The following ACTR2 variants were observed in gnomAD, a reference collection of about 807,000 sequenced individuals.
ACTR2 encodes the protein actin related protein 2.
Under a neutral mutation model 50.2 loss-of-function variants are expected in ACTR2, and 5 were observed. That is an observed-to-expected ratio of 0.10 (90% confidence interval 0.05 to 0.21). The LOEUF is 0.21. Among genes scored for constraint, ACTR2 ranks in the 10% least tolerant of loss-of-function variants. The probability of loss-of-function intolerance (pLI) is 1.00; values close to 1 mark genes in which losing one functional copy is unlikely to be tolerated. For synonymous variants in ACTR2, 140 were observed against 162.9 expected (o/e 0.86, Z 1.07); for missense variants, 180 against 480.6 (o/e 0.37, Z 5.85).
intron 1 of ACTR2, among the ~76,000 whole-genome samples, chr2:65,236,486 G>C (rs1006943561): frequency 6.6e-6 from 1 of 152,022 alleles, no homozygotes; most frequent in South Asian, 2.1e-4. Flanking sequence ...AGCTACATAA[G>C]ATCTTGCTAA....
chr2:65,265,313 G>A, intron 8 of ACTR2, 138 bp downstream of exon 8: 2 of 949,904 alleles, frequency 2.1e-6, no homozygotes, highest in Admixed American at 1.9e-5. Flanking sequence ...TCCTGGAAAT[G>A]ATAGCAAGAA....
chr2:65,266,022 C>T (rs1672366782), intron 8 of ACTR2, among the ~76,000 whole-genome samples: 1 of 152,210 alleles, frequency 6.6e-6, no homozygotes, highest in Non-Finnish European at 1.5e-5. Context: ...AAGTACTTCA[C>T]TTATTTTTCT....
At chr2:65,250,802 C>T (rs900812411) in intron 3 of ACTR2, among the ~76,000 whole-genome samples, 4 of 151,904 alleles carry the variant, frequency 2.6e-5, no homozygotes, top group East Asian at 1.9e-4. Flanking sequence ...TGCTTTGTCA[C>T]GCTTATGAAA....
At chr2:65,254,104 C>CAGAG (rs1264589516) in intron 5 of ACTR2, among the ~76,000 whole-genome samples, 2 of 152,106 alleles carry the variant, frequency 1.3e-5, no homozygotes, top group African/African-American at 4.8e-5. Context: ...AATGAGAGTA[C>CAGAG]ATTATATCAT....
intron 2 of ACTR2, among the ~76,000 whole-genome samples, chr2:65,243,316 A>T (rs996806812): frequency 6.6e-6 from 1 of 151,258 alleles, no homozygotes; most frequent in African/African-American, 2.4e-5. Flanking sequence ...GCTTGTAGAG[A>T]ACAGTGTAGG....
chr2:65,236,032 T>TAAC (rs1268520056), intron 1 of ACTR2, among the ~76,000 whole-genome samples: 3 of 152,146 alleles, frequency 2.0e-5, no homozygotes, highest in Non-Finnish European at 4.4e-5. Flanking sequence ...GTCATGACTG[T>TAAC]AACATATTTG....
At chr2:65,265,318 C>G (rs1183301774) in intron 8 of ACTR2, 143 bp downstream of exon 8, 1 of 932,932 alleles carries the variant, frequency 1.1e-6, no homozygotes, top group African/African-American at 1.6e-5. Context: ...GAAATGATAG[C>G]AAGAAGGAAA....
At chr2:65,268,430 C>G (rs1371376625) in intron 8 of ACTR2, 134 bp from the exon 9 acceptor site, 5 of 669,636 alleles carry the variant, frequency 7.5e-6, no homozygotes, top group Non-Finnish European at 1.1e-5. Flanking sequence ...ACCTCAGGTA[C>G]CAAATATTAC....
chr2:65,254,591 C>T (rs1190793568), intron 5 of ACTR2, among the ~76,000 whole-genome samples: 3 of 152,164 alleles, frequency 2.0e-5, no homozygotes, highest in Non-Finnish European at 4.4e-5. Context: ...CACCAGGGGA[C>T]AGTGCTGTCC....
At chr2:65,237,023 TAA>T (rs1671752626) in intron 1 of ACTR2, among the ~76,000 whole-genome samples, 1 of 152,214 alleles carries the variant, frequency 6.6e-6, no homozygotes, top group South Asian at 2.1e-4. Context: ...ATCATACTGT[TAA>T]GTCAACAGCA....
chr2:65,260,729 C>CTTTTTTTTTTTT, intron 6 of ACTR2, among the ~76,000 whole-genome samples: 1 of 132,150 alleles, frequency 7.6e-6, no homozygotes, highest in South Asian at 2.4e-4. Context: ...CGTGGCATAC[C>CTTTTTTTTTTTT]TTTTTTTTTT....
intron 1 of ACTR2, among the ~76,000 whole-genome samples, chr2:65,232,155 C>T (rs1332842670): frequency 6.6e-6 from 1 of 152,200 alleles, no homozygotes; most frequent in African/African-American, 2.4e-5. Context: ...ATCTGGAGGT[C>T]TGTGAAACTC....
Position 65,236,065 on chromosome 2 carries a change from C to A in ACTR2, c.49-3787C>A, listed in dbSNP as rs72892654. ...TTGAAAAAACTCTGTTTTTAAAAGA[C>A]TAAGTGGGGCCGGGTGCGGTGGCTT... On this transcript the variant is annotated intron_variant, in intron 1 of 8. Transcript: ENST00000260641. 7.6e-3 allele frequency among the ~76,000 whole-genome samples: 1,157 copies of A among 152,228 alleles called. 28 individuals carry two copies. The highest frequency in any genetic ancestry group is 0.026 in the African/African-American group (1,067 of 41,550).
chr2:65,252,488 A>C (rs967549923), intron 4 of ACTR2, among the ~76,000 whole-genome samples: 15 of 151,776 alleles, frequency 9.9e-5, no homozygotes, highest in Non-Finnish European at 1.5e-4. Context: ...AAAAAAAAAT[A>C]CAAAAAATTA....
chr2:65,256,093 G>A (rs1672144040), intron 6 of ACTR2, among the ~76,000 whole-genome samples: 1 of 152,170 alleles, frequency 6.6e-6, no homozygotes, highest in South Asian at 2.1e-4. Context: ...TCACTTCACT[G>A]TAGAACTCAG....
intron 2 of ACTR2, among the ~76,000 whole-genome samples, chr2:65,241,097 T>A (rs1671834516): frequency 6.6e-6 from 1 of 152,162 alleles, no homozygotes; most frequent in African/African-American, 2.4e-5. Flanking sequence ...TTTTCCTTTT[T>A]AAGGAGCTTT....
Position 65,268,832 on chromosome 2 carries a change from T to G in ACTR2, c.*98T>G. 7.8e-7 allele frequency: 1 copy of G among 1,288,592 alleles called. No homozygotes were observed. Among genetic ancestry groups the G allele is most frequent in the Non-Finnish European group, 1.1e-6 (1 of 929,204 alleles). 79.8% of individuals were successfully genotyped at this position (1,288,592 alleles called of 1,614,324 possible). On this transcript the variant is annotated 3_prime_UTR_variant, in exon 9 of 9. Transcript: ENST00000260641. ...AACTCCAGGACATGGAAGAGGCCTC[T>G]CTCTGCCCTTTGACTGGAAAGGTCA...
chr2:65,236,990 A>G (rs962817202), intron 1 of ACTR2, among the ~76,000 whole-genome samples: 5 of 152,186 alleles, frequency 3.3e-5, no homozygotes, highest in South Asian at 4.1e-4. Context: ...TGAATATTAA[A>G]TATATTTTAA....
At chr2:65,239,019 G>A (rs1348314163) in intron 1 of ACTR2, among the ~76,000 whole-genome samples, 3 of 152,106 alleles carry the variant, frequency 2.0e-5, no homozygotes, top group East Asian at 3.9e-4. Flanking sequence ...TTCATAATAC[G>A]GTGATATTAG....
Sources: allele counts gnomAD v4.1 joint callset (sites outside exome capture counted in the v4.1 genomes callset), GRCh38; gene constraint gnomAD v4.1.1; transcripts MANE v1.5; gene names NCBI Gene and HGNC (gene_info 2026-07-23, HGNC 2026-07-21).